Variants in PVALEF observed in about 807,000 individuals in gnomAD.
PVALEF encodes parvalbumin like EF-hand containing.
PVALEF carries 2 observed loss-of-function variants against 1.2 expected under a neutral mutation model. The ratio of observed to expected loss-of-function variants is 1.68; its 90% CI spans 0.69 to 5.28. PVALEF has a LOEUF of 5.28. Ranked by LOEUF, PVALEF falls within the 30% of genes most tolerant of loss-of-function variation. The probability of loss-of-function intolerance (pLI) is 0.06; values close to 1 mark genes in which losing one functional copy is unlikely to be tolerated. For synonymous variants in PVALEF, 16 were observed against 6.5 expected (o/e 2.47, Z -2.24); for missense variants, 35 against 17.7 (o/e 1.97, Z -1.75).
At chr17:81,169,372 G>GT (rs1364301019) in intron 2 of PVALEF, among the ~76,000 whole-genome samples, 6 of 152,168 alleles carry the variant, frequency 3.9e-5, no homozygotes, top group Non-Finnish European at 5.9e-5. Flanking sequence ...GGCCAAGGGG[G>GT]GCGGACCGCG....
At chr17:81,170,157 T>TGGTGTGTGTGCATGTGTA (rs990335496) in intron 2 of PVALEF, among the ~76,000 whole-genome samples, 1 of 149,908 alleles carries the variant, frequency 6.7e-6, no homozygotes, top group Non-Finnish European at 1.5e-5. Context: ...TGTGCATATG[T>TGGTGTGTGTGCATGTGTA]GGTGTGTGTG....
At chr17:81,171,727 C>T (rs976385682) in intron 2 of PVALEF, among the ~76,000 whole-genome samples, 1 of 152,108 alleles carries the variant, frequency 6.6e-6, no homozygotes, top group East Asian at 1.9e-4. Flanking sequence ...CTCCTGACCT[C>T]GTGATCCGCC....
At chr17:81,166,245 C>G (rs1197876020) in intron 1 of PVALEF, among the ~76,000 whole-genome samples, 1 of 86,500 alleles carries the variant, frequency 1.2e-5, no homozygotes, top group South Asian at 4.4e-4. Flanking sequence ...GGAGCGCGCG[C>G]GGAGCGGCGC....
intron 3 of PVALEF, 31 bp downstream of exon 3, chr17:81,179,183 C>T (rs117293007): frequency 2.2e-4 from 68 of 315,190 alleles, no homozygotes; most frequent in Non-Finnish European, 3.7e-4. Context: ...GGGTGTGGGT[C>T]TCTGGCCGCT....
At chr17:81,169,551 T>C (rs926471210) in intron 2 of PVALEF, among the ~76,000 whole-genome samples, 3 of 152,202 alleles carry the variant, frequency 2.0e-5, no homozygotes, top group Admixed American at 6.5e-5. Context: ...TGAGCCGAGA[T>C]GGCGCCACTG....
chr17:81,166,657 G>A lies in PVALEF; in HGVS notation c.-507-20G>A, dbSNP rs1386520649. 2.2e-6 allele frequency: 1 copy of A among 453,832 alleles called. No homozygotes were observed. The highest frequency in any genetic ancestry group is 4.4e-6 in the Non-Finnish European group (1 of 226,576). The allele number at this position is 453,832 out of a possible 1,614,324, so 28.1% of individuals were successfully genotyped here. On this transcript the variant is annotated intron_variant, in intron 1 of 6. Coordinates refer to ENST00000637878, the MANE Select transcript of PVALEF (RefSeq NM_001354639.2). ...CCCAGGGCGGGTCTTGGTGCTCAGG[G>A]GCCCTCGCCTCACTTGCAGGTTTCG...
intron 2 of PVALEF, among the ~76,000 whole-genome samples, chr17:81,174,596 C>T (rs1290442225): frequency 6.6e-6 from 1 of 151,276 alleles, no homozygotes; most frequent in East Asian, 1.9e-4. Context: ...CACCACTGCA[C>T]TCCAGCCTGC....
At position 81,165,547 on chromosome 17, in the gene PVALEF, C is replaced by T. The variant is rs1406102701; in HGVS notation, c.-708C>T. 7.1e-6 allele frequency: 7 copies of T among 986,442 alleles called. No individual in the cohort carries two copies. The highest frequency in any genetic ancestry group is 4.1e-5 in the South Asian group (3 of 73,188). The allele number at this position is 986,442 out of a possible 1,614,324, so 61.1% of individuals were successfully genotyped here. A position where few individuals can be genotyped will look rare whatever the true frequency, so the allele number is the denominator to read the frequency against. On this transcript the variant is annotated 5_prime_UTR_variant, in exon 1 of 7. Transcript: ENST00000637878. ...TGGGAAGAAGCCTCCCACGCCAGGG[C>T]CCCGGACCCAGGAGAGGCCATGGAA...
At chr17:81,173,819 C>T (rs569176077) in intron 2 of PVALEF, among the ~76,000 whole-genome samples, 2 of 152,164 alleles carry the variant, frequency 1.3e-5, no homozygotes, top group Non-Finnish European at 2.9e-5. Context: ...CCAGCATTAC[C>T]CTGACACCAA....
chr17:81,180,248 A>G (rs938517889), intron 3 of PVALEF, among the ~76,000 whole-genome samples: 2 of 152,168 alleles, frequency 1.3e-5, no homozygotes, highest in Non-Finnish European at 1.5e-5. Context: ...GCTTGGCCAC[A>G]TTTAGCCTGG....
intron 2 of PVALEF, among the ~76,000 whole-genome samples, chr17:81,178,562 G>A (rs886160963): frequency 7.2e-5 from 11 of 151,822 alleles, no homozygotes; most frequent in African/African-American, 2.2e-4. Context: ...CCTGCAGGCT[G>A]TGCTGTGCCC....
At chr17:81,182,151 G>A in intron 6 of PVALEF, 70 bp downstream of exon 6, 1 of 398,292 alleles carries the variant, frequency 2.5e-6, no homozygotes, top group Non-Finnish European at 4.4e-6. Flanking sequence ...CTTGCCCATG[G>A]CCCCGCCCCG....
chr17:81,170,699 G>A (rs1055676472), intron 2 of PVALEF, among the ~76,000 whole-genome samples: 3 of 152,138 alleles, frequency 2.0e-5, no homozygotes, highest in African/African-American at 7.2e-5. Context: ...TGTAGCTGCC[G>A]GGACTCAGCA....
At chr17:81,182,544 C>T (rs533630427) in intron 6 of PVALEF, among the ~76,000 whole-genome samples, 137 of 152,262 alleles carry the variant, frequency 9.0e-4, no homozygotes, top group African/African-American at 3.2e-3. Context: ...TGGCTTGTGG[C>T]GGGGGGGTCA....
chr17:81,168,342 A>ATCT (rs2061506477), intron 2 of PVALEF, among the ~76,000 whole-genome samples: 1 of 152,264 alleles, frequency 6.6e-6, no homozygotes, highest in African/African-American at 2.4e-5. Context: ...CAAGCTGTGG[A>ATCT]TCTTCTTGGG....
At chr17:81,179,401 A>C (rs6565543) in intron 3 of PVALEF, among the ~76,000 whole-genome samples, 5,705 of 151,972 alleles carry the variant, frequency 0.038, 395 homozygotes, top group African/African-American at 0.13. Flanking sequence ...TCCTGCGGGG[A>C]GCACATGTGT....
chr17:81,167,695 C>T lies in PVALEF; in HGVS notation c.-340+851C>T, dbSNP rs62075298. On this transcript the variant is annotated intron_variant, in intron 2 of 6. Transcript: ENST00000637878. ...CTTAGGGGTCCCTGGCTGTAGGAGA[C>T]AAGACACCAACTGCACCTGGGGCAG... Among the ~76,000 whole-genome samples the T allele has an allele frequency of 6.2e-3, 949 of 152,338 alleles. 7 individuals carry two copies. The highest frequency in any genetic ancestry group is 0.017 in the Middle Eastern group (5 of 294).
At chr17:81,165,881 A>T in intron 1 of PVALEF, 134 bp downstream of exon 1, 5 of 1,548,826 alleles carry the variant, frequency 3.2e-6, no homozygotes, top group Non-Finnish European at 2.6e-6. Flanking sequence ...GCCCAGGGGC[A>T]TCACGTCCGC....
rs970644868 is a variant in PVALEF at position 81,172,946 on chromosome 17, G to A, written c.-339-5972G>A. On this transcript the variant is annotated intron_variant, in intron 2 of 6. Transcript: ENST00000637878. Reference sequence around the variant, plus strand: ...CCAGAGGGGCAGAAACCCGCACGAAGGAAAACCTGTGGTTTCAGGTGGAGA... The same window carrying A: ...CCAGAGGGGCAGAAACCCGCACGAAAGAAAACCTGTGGTTTCAGGTGGAGA... Among the ~76,000 whole-genome samples the A allele has an allele frequency of 2.6e-5, 4 of 152,050 alleles. No homozygotes were observed. The East Asian group carries it at 7.7e-4, about 29-fold the overall frequency.
Sources: gnomAD v4.1 joint callset for allele counts (sites outside exome capture counted in the v4.1 genomes callset) on GRCh38, gnomAD v4.1.1 for gene constraint, MANE v1.5 for transcripts, NCBI Gene and HGNC (gene_info 2026-07-23, HGNC 2026-07-21) for gene names.